The following CDK14 variants were observed in gnomAD, a reference collection of about 807,000 sequenced individuals.
CDK14 encodes the protein cyclin dependent kinase 14, also known as cyclin-dependent kinase 14.
Under a neutral mutation model 60.7 loss-of-function variants are expected in CDK14, and 34 were observed. That is an observed-to-expected ratio of 0.56 (90% CI 0.43 to 0.75). CDK14 has a LOEUF of 0.75. Among genes scored for constraint, CDK14 ranks in the 30% least tolerant of loss-of-function variants. The pLI is 0.00. For missense variants in CDK14, 482 were observed against 564.1 expected (o/e 0.85, Z 1.47); for synonymous variants, 197 against 203.7 (o/e 0.97, Z 0.28).
intron 14 of CDK14, among the ~76,000 whole-genome samples, chr7:91,180,908 A>G (rs909428048): frequency 6.6e-6 from 1 of 152,186 alleles, no homozygotes; most frequent in African/African-American, 2.4e-5. Flanking sequence ...AGCTTCAACA[A>G]TTACCAACTT....
chr7:90,971,757 AAAT>A (rs754246825), intron 9 of CDK14, among the ~76,000 whole-genome samples: 17 of 152,320 alleles, frequency 1.1e-4, no homozygotes, highest in Admixed American at 2.0e-4. Flanking sequence ...TTTCATTAAA[AAAT>A]AATAATAAAT....
intron 2 of CDK14, among the ~76,000 whole-genome samples, chr7:90,627,322 A>T (rs996608247): frequency 3.3e-5 from 5 of 151,456 alleles, no homozygotes; most frequent in Non-Finnish European, 7.4e-5. Context: ...TGATTTTCCC[A>T]CCTCAGCCTC....
At chr7:91,086,940 T>C (rs1428302872) in intron 12 of CDK14, among the ~76,000 whole-genome samples, 1 of 152,018 alleles carries the variant, frequency 6.6e-6, no homozygotes, top group Non-Finnish European at 1.5e-5. Context: ...TTTAGCGTTT[T>C]TGTTTTGTTT....
intron 4 of CDK14, among the ~76,000 whole-genome samples, chr7:90,775,379 T>C (rs1989791): frequency 0.91 from 138,938 of 152,132 alleles, 63,574 homozygotes; most frequent in East Asian, 1. Flanking sequence ...TAATCAAAGA[T>C]TGAGGAAAAG....
intron 9 of CDK14, among the ~76,000 whole-genome samples, chr7:90,974,978 T>C (rs1795027860): frequency 6.6e-6 from 1 of 152,198 alleles, no homozygotes; most frequent in African/African-American, 2.4e-5. Context: ...TTGGGCTATA[T>C]TTTTAAAAGC....
intron 2 of CDK14, among the ~76,000 whole-genome samples, chr7:90,638,283 C>T (rs1800211369): frequency 6.6e-6 from 1 of 152,100 alleles, no homozygotes; most frequent in Non-Finnish European, 1.5e-5. Flanking sequence ...TGTGCCTTTC[C>T]ATGTTTTGTG....
At chr7:91,200,854 T>C (rs1802693617) in intron 14 of CDK14, among the ~76,000 whole-genome samples, 1 of 152,190 alleles carries the variant, frequency 6.6e-6, no homozygotes, top group Non-Finnish European at 1.5e-5. Flanking sequence ...TACCAGAACA[T>C]GTGGGTAGAA....
chr7:91,031,969 C>A (rs569262182), intron 10 of CDK14, among the ~76,000 whole-genome samples: 41 of 152,268 alleles, frequency 2.7e-4, no homozygotes, highest in African/African-American at 8.2e-4. Flanking sequence ...CTTTGCCGGC[C>A]TTGCATACAT....
intron 12 of CDK14, among the ~76,000 whole-genome samples, chr7:91,086,307 T>G (rs1290723998): frequency 6.6e-6 from 1 of 152,186 alleles, no homozygotes. Context: ...CAAGCAGACA[T>G]TCCTTTCCCT....
chr7:91,134,462 A>G (rs958297205), intron 14 of CDK14, among the ~76,000 whole-genome samples: 4 of 152,156 alleles, frequency 2.6e-5, no homozygotes, highest in Admixed American at 6.6e-5. Context: ...TTGACCTTAT[A>G]TATTTCTTAT....
intron 2 of CDK14, chr7:90,710,152 A>G (rs1802006674): frequency 5.1e-6 from 5 of 985,170 alleles, no homozygotes; most frequent in Non-Finnish European, 6.0e-6. Context: ...GACTGACTGG[A>G]GGTTACTCAT....
chr7:90,731,452 T>C (rs1802862697), intron 3 of CDK14, among the ~76,000 whole-genome samples: 1 of 152,254 alleles, frequency 6.6e-6, no homozygotes, highest in Non-Finnish European at 1.5e-5. Context: ...ATTTTCATGA[T>C]ATTGATTCTT....
intron 5 of CDK14, among the ~76,000 whole-genome samples, chr7:90,820,361 A>C (rs1352061395): frequency 6.6e-6 from 1 of 152,068 alleles, no homozygotes; most frequent in Non-Finnish European, 1.5e-5. Flanking sequence ...CTCATCTCAA[A>C]TTGTAATCCC....
intron 10 of CDK14, among the ~76,000 whole-genome samples, chr7:90,994,627 C>A (rs1364429705): frequency 6.6e-6 from 1 of 152,130 alleles, no homozygotes; most frequent in African/African-American, 2.4e-5. Flanking sequence ...TTATCAAGTT[C>A]CTGAATTTTT....
At position 90,954,768 on chromosome 7, in the gene CDK14, G is replaced by C. The variant is rs1380006442; in HGVS notation, c.827-929G>C. Among the ~76,000 whole-genome samples, 2 of 24,558 alleles carry C rather than the reference G, an allele frequency of 8.1e-5. 1 individual carries two copies. Among genetic ancestry groups the C allele is most frequent in the African/African-American group, 1.6e-4 (2 of 12,366 alleles). The allele number at this position is 24,558 out of a possible 152,430, so 16.1% of individuals were successfully genotyped here. ...GCCTCCCAAGTAGCTGGGACTACAGGCGCCCGCCACTACGCCCGGCTAATT... is the reference window on the plus strand; with the variant it reads ...GCCTCCCAAGTAGCTGGGACTACAGCCGCCCGCCACTACGCCCGGCTAATT... On this transcript the variant is annotated intron_variant, in intron 8 of 14. Transcript: ENST00000380050.
chr7:90,765,702 A>G (rs1804528335), intron 4 of CDK14, among the ~76,000 whole-genome samples: 1 of 152,008 alleles, frequency 6.6e-6, no homozygotes, highest in Non-Finnish European at 1.5e-5. Context: ...AGGGTAAAAT[A>G]CATATAAGCT....
intron 11 of CDK14, among the ~76,000 whole-genome samples, chr7:91,053,782 G>C (rs921980694): frequency 6.6e-6 from 1 of 152,120 alleles, no homozygotes; most frequent in East Asian, 1.9e-4. Context: ...TTGTCGGGGT[G>C]GGATATTCCA....
At chr7:90,682,834 C>T (rs1584790928) in intron 2 of CDK14, among the ~76,000 whole-genome samples, 1 of 152,166 alleles carries the variant, frequency 6.6e-6, no homozygotes, top group South Asian at 2.1e-4. Flanking sequence ...AATGGAATGT[C>T]CCTCATGTTA....
At chr7:90,993,183 G>A (rs1013558682) in intron 10 of CDK14, among the ~76,000 whole-genome samples, 21 of 152,106 alleles carry the variant, frequency 1.4e-4, no homozygotes, top group African/African-American at 5.1e-4. Flanking sequence ...CCACTGGTTG[G>A]TGACTTTTGA....
Sources: gnomAD v4.1 joint callset for allele counts (sites outside exome capture counted in the v4.1 genomes callset) on GRCh38, gnomAD v4.1.1 for gene constraint, MANE v1.5 for transcripts, NCBI Gene and HGNC (gene_info 2026-07-23, HGNC 2026-07-21) for gene names.